The following ATF6 variants were observed in gnomAD, a reference collection of about 807,000 sequenced individuals.
ATF6 encodes activating transcription factor 6.
ATF6 carries 53 observed loss-of-function variants against 83.6 expected under a neutral mutation model. The observed-to-expected ratio is 0.63, with a 90% CI of 0.51 to 0.80. The LOEUF is 0.80. Among genes scored for constraint, ATF6 ranks in the 30% least tolerant of loss-of-function variants. The probability of loss-of-function intolerance (pLI) is 0.00; values close to 1 mark genes in which losing one functional copy is unlikely to be tolerated. For synonymous variants in ATF6, 288 were observed against 285.8 expected, an observed-to-expected ratio of 1.01 and a Z score of -0.08; for missense variants, 744 against 797.9, an observed-to-expected ratio of 0.93 and a Z score of 0.81.
intron 7 of ATF6, among the ~76,000 whole-genome samples, chr1:161,812,056 G>C (rs943079579): frequency 1.3e-5 from 2 of 152,160 alleles, no homozygotes; most frequent in African/African-American, 4.8e-5. Context: ...AACTAGCTAA[G>C]TGATTCAACA....
At position 161,778,316 on chromosome 1, in the gene ATF6, CG is replaced by C; in HGVS notation, c.156del (p.Tyr53MetfsTer14). The C allele has an allele frequency of 6.2e-7, 1 of 1,611,342 alleles. No individual in the cohort carries two copies. The highest frequency in any genetic ancestry group is 1.1e-5 in the South Asian group (1 of 90,990). The stretch of plus-strand genomic sequence containing the variant: ...CTGCAATTGGAAGCAGCAAATGAGA[CG>C]TATGTAAGTATTTACTAAGGTTGAA... ...DELQLEAANE[T>X]YENNFDNLDF... On this transcript the variant is annotated frameshift_variant, in exon 2 of 16. Transcript: ENST00000367942. LOFTEE classifies it high-confidence loss of function.
chr1:161,852,722 C>T (rs1686660505), intron 11 of ATF6, among the ~76,000 whole-genome samples: 1 of 152,198 alleles, frequency 6.6e-6, no homozygotes, highest in African/African-American at 2.4e-5. Flanking sequence ...AAGTGATCCT[C>T]TTGCCTTCGC....
intron 14 of ATF6, among the ~76,000 whole-genome samples, chr1:161,905,386 A>G (rs555869974): frequency 5.3e-5 from 8 of 152,250 alleles, no homozygotes; most frequent in African/African-American, 1.7e-4. Flanking sequence ...TTTTTGCTAG[A>G]AGTGTTTCCT....
intron 14 of ATF6, chr1:161,892,226 T>C (rs1426459081): frequency 6.6e-6 from 1 of 152,214 alleles, no homozygotes; most frequent in Non-Finnish European, 1.5e-5. Context: ...TGAGCTTTAA[T>C]TTTCGGATGT....
At chr1:161,784,196 G>A in intron 4 of ATF6, 100 bp downstream of exon 4, 1 of 804,014 alleles carries the variant, frequency 1.2e-6, no homozygotes, top group East Asian at 2.6e-5. Context: ...ACTACTATGA[G>A]TTATATTGTC....
At chr1:161,845,212 G>A (rs1054187317) in intron 9 of ATF6, among the ~76,000 whole-genome samples, 9 of 152,122 alleles carry the variant, frequency 5.9e-5, no homozygotes, top group African/African-American at 1.4e-4. Context: ...CCCCAAATTT[G>A]GAGACAAACT....
intron 9 of ATF6, among the ~76,000 whole-genome samples, chr1:161,831,213 A>G (rs1245081894): frequency 6.6e-6 from 1 of 152,272 alleles, no homozygotes; most frequent in Non-Finnish European, 1.5e-5. Flanking sequence ...ATCACTGGCC[A>G]TCAGAGAAAT....
chr1:161,850,750 T>A (rs1686599795), intron 10 of ATF6, among the ~76,000 whole-genome samples: 1 of 152,206 alleles, frequency 6.6e-6, no homozygotes, highest in South Asian at 2.1e-4. Context: ...TTACATGTTT[T>A]CTTTTGAGAT....
chr1:161,787,743 A>G (rs1684777140), intron 4 of ATF6, among the ~76,000 whole-genome samples: 1 of 152,236 alleles, frequency 6.6e-6, no homozygotes, highest in Non-Finnish European at 1.5e-5. Context: ...CTTGTGTATT[A>G]TATGAGATAC....
chr1:161,786,948 A>G (rs1176244835), intron 4 of ATF6, among the ~76,000 whole-genome samples: 1 of 152,076 alleles, frequency 6.6e-6, no homozygotes, highest in Non-Finnish European at 1.5e-5. Flanking sequence ...TTAATCCTTG[A>G]CTTTCTTCAC....
chr1:161,768,338 C>A (rs570777788), intron 1 of ATF6, among the ~76,000 whole-genome samples: 64 of 152,284 alleles, frequency 4.2e-4, no homozygotes, highest in African/African-American at 1.5e-3. Flanking sequence ...CTGCCCTGTC[C>A]CTCCCTGAAT....
intron 7 of ATF6, among the ~76,000 whole-genome samples, chr1:161,812,045 C>T (rs1387820150): frequency 6.6e-6 from 1 of 152,148 alleles, no homozygotes; most frequent in Non-Finnish European, 1.5e-5. Flanking sequence ...CTGAAGGAAT[C>T]AACTAGCTAA....
At chr1:161,952,597 C>T (rs1688888127) in intron 15 of ATF6, among the ~76,000 whole-genome samples, 2 of 151,952 alleles carry the variant, frequency 1.3e-5, no homozygotes, top group African/African-American at 2.4e-5. Flanking sequence ...TACTGTGTCC[C>T]CCTGTGCCTG....
chr1:161,852,207 A>T (rs759775026), intron 11 of ATF6, among the ~76,000 whole-genome samples: 1 of 152,110 alleles, frequency 6.6e-6, no homozygotes, highest in Non-Finnish European at 1.5e-5. Context: ...GTTAGTACAC[A>T]CTTCTTTATC....
chr1:161,952,618 G>A (rs1688888478), intron 15 of ATF6, among the ~76,000 whole-genome samples: 1 of 151,858 alleles, frequency 6.6e-6, no homozygotes, highest in Non-Finnish European at 1.5e-5. Context: ...TCATGTGGTA[G>A]GAATTCACTA....
chr1:161,872,524 A>T (rs1687142428), intron 14 of ATF6, among the ~76,000 whole-genome samples: 2 of 151,636 alleles, frequency 1.3e-5, no homozygotes, highest in Admixed American at 1.3e-4. Flanking sequence ...ACACAGAGGA[A>T]ATTATTAGAA....
rs192230051 is a variant in ATF6 at position 161,790,965 on chromosome 1, G to A, written c.355-443G>A. ...TATTTTGCTTTTGATATTCTTTTAA[G>A]ACCAAATAAGAGAGATTATGGAGAA... On this transcript the variant is annotated intron_variant, in intron 4 of 15. Coordinates refer to ENST00000367942, the MANE Select transcript of ATF6 (RefSeq NM_007348.4). 1.4e-3 allele frequency among the ~76,000 whole-genome samples: 212 copies of A among 152,224 alleles called. 1 individual carries two copies. Among genetic ancestry groups the A allele is most frequent in the African/African-American group, 4.9e-3 (205 of 41,524 alleles).
chr1:161,830,286 T>G (rs1225058321), intron 9 of ATF6, among the ~76,000 whole-genome samples: 1 of 151,964 alleles, frequency 6.6e-6, no homozygotes, highest in Non-Finnish European at 1.5e-5. Context: ...CACTGCTCAA[T>G]GAAATAAAAG....
At chr1:161,779,926 C>T (rs965564670) in intron 2 of ATF6, among the ~76,000 whole-genome samples, 10 of 151,896 alleles carry the variant, frequency 6.6e-5, no homozygotes, top group South Asian at 4.2e-4. Flanking sequence ...TTAGTAGAGA[C>T]GGGGTTTCAC....
Sources: gnomAD v4.1 joint callset for allele counts (sites outside exome capture counted in the v4.1 genomes callset) on GRCh38, gnomAD v4.1.1 for gene constraint, MANE v1.5 for transcripts, NCBI Gene and HGNC (gene_info 2026-07-23, HGNC 2026-07-21) for gene names.